The following ASAP2 variants were observed in gnomAD, a reference collection of about 807,000 sequenced individuals.
ASAP2 encodes the protein arf-GAP with SH3 domain, ANK repeat and PH domain-containing protein 2.
ASAP2 carries 45 observed loss-of-function variants against 131.4 expected under a neutral mutation model. That is an observed-to-expected ratio of 0.34 (90% CI 0.27 to 0.44). ASAP2 has a LOEUF of 0.44. Among genes scored for constraint, ASAP2 ranks in the 20% least tolerant of loss-of-function variants. The probability of loss-of-function intolerance (pLI) is 1.00; values close to 1 mark genes in which losing one functional copy is unlikely to be tolerated. For synonymous variants in ASAP2, 510 were observed against 503.0 expected (o/e 1.01, Z -0.19); for missense variants, 1,011 against 1,297.0 (o/e 0.78, Z 3.39).
chr2:9,314,443 A>C (rs900026843), intron 3 of ASAP2, among the ~76,000 whole-genome samples: 2 of 152,232 alleles, frequency 1.3e-5, no homozygotes, highest in African/African-American at 4.8e-5. Flanking sequence ...TGTCTTTCAC[A>C]TATTCGATGC....
Position 9,350,923 on chromosome 2 carries a change from A to G in ASAP2, c.1111+28A>G, listed in dbSNP as rs529769960. 122 of 1,557,572 alleles carry G rather than the reference A, an allele frequency of 7.8e-5. 2 individuals are homozygous for G. In the Admixed American group the frequency reaches 2.0e-3, roughly 26 times the overall value. ...AAGGCTCCCTCTGAGATGCCGCGCC[A>G]TAGAGACGTTGTCTTATGCTCTCCT... is the stretch of plus-strand genomic sequence containing the variant. On this transcript the variant is annotated intron_variant, in intron 12 of 27. Transcript: ENST00000281419.
intron 1 of ASAP2, among the ~76,000 whole-genome samples, chr2:9,212,816 A>G (rs950102607): frequency 5.3e-5 from 8 of 152,156 alleles, no homozygotes; most frequent in Non-Finnish European, 1.0e-4. Context: ...GCTGAAATGC[A>G]GAGCCCCGGG....
At position 9,374,957 on chromosome 2, in the gene ASAP2, G is replaced by A. The variant is rs1231727987; in HGVS notation, c.1746+13G>A. The A allele has an allele frequency of 2.6e-6, 4 of 1,557,476 alleles. No homozygotes were observed. Among genetic ancestry groups the A allele is most frequent in the Non-Finnish European group, 2.6e-6 (3 of 1,158,202 alleles). On this transcript the variant is annotated intron_variant, in intron 17 of 27. Coordinates refer to ENST00000281419, the MANE Select transcript of ASAP2 (RefSeq NM_003887.3). ...GGCCAACGGACATGTAAGAGTGTGG[G>A]TTGTTGCTACTTTAAAAAAAAAAAA...
At chr2:9,338,037 C>G (rs1472406598) in intron 9 of ASAP2, among the ~76,000 whole-genome samples, 3 of 152,154 alleles carry the variant, frequency 2.0e-5, no homozygotes, top group Admixed American at 1.3e-4. Flanking sequence ...GAGCTCTCTC[C>G]CCGTCAGCCT....
intron 22 of ASAP2, 110 bp downstream of exon 22, chr2:9,388,656 TTGTAGTTATTTTCTG>T: frequency 7.0e-7 from 1 of 1,434,490 alleles, no homozygotes; most frequent in Non-Finnish European, 9.2e-7. Context: ...CTCTTTTGTT[TTGTAGTTATTTTCTG>T]TTTGCTTCCT....
At chr2:9,368,218 G>A (rs568710506) in intron 15 of ASAP2, among the ~76,000 whole-genome samples, 30 of 152,264 alleles carry the variant, frequency 2.0e-4, no homozygotes, top group African/African-American at 5.5e-4. Context: ...ATGACAATGC[G>A]TCTCTGTAAT....
At chr2:9,240,438 G>C (rs1051423380) in intron 1 of ASAP2, among the ~76,000 whole-genome samples, 6 of 151,708 alleles carry the variant, frequency 4.0e-5, no homozygotes, top group Non-Finnish European at 8.8e-5. Flanking sequence ...TAGAGATGGG[G>C]TTTCTCCATG....
At chr2:9,257,473 G>C (rs1240876657) in intron 1 of ASAP2, among the ~76,000 whole-genome samples, 1 of 152,198 alleles carries the variant, frequency 6.6e-6, no homozygotes, top group African/African-American at 2.4e-5. Context: ...TAATGAACCA[G>C]TACATGATGT....
Position 9,404,844 on chromosome 2 carries a change from G to A in ASAP2, c.*1517G>A, listed in dbSNP as rs1677077998. ...TAGCAATCGCTTTTTACCTTTCAAA[G>A]TTCCGGGTAAAAATGTGTTATATCT... On this transcript the variant is annotated 3_prime_UTR_variant, in exon 28 of 28. Transcript: ENST00000281419. 1 of 152,094 alleles carries A rather than the reference G, an allele frequency of 6.6e-6. No individual in the cohort carries two copies. Among genetic ancestry groups the A allele is most frequent in the Non-Finnish European group, 1.5e-5 (1 of 67,974 alleles). 9.4% of individuals were successfully genotyped at this position (152,094 alleles called of 1,614,324 possible).
At chr2:9,237,129 A>G (rs1320972978) in intron 1 of ASAP2, among the ~76,000 whole-genome samples, 4 of 152,100 alleles carry the variant, frequency 2.6e-5, no homozygotes, top group Non-Finnish European at 5.9e-5. Flanking sequence ...CCAGGAAAAC[A>G]CTGGTTTCTG....
At chr2:9,266,074 C>T (rs1023058844) in intron 1 of ASAP2, among the ~76,000 whole-genome samples, 1 of 152,102 alleles carries the variant, frequency 6.6e-6, no homozygotes, top group Admixed American at 6.5e-5. Context: ...TGTGAGCCAC[C>T]ACACCCAGCC....
At chr2:9,370,719 G>A (rs929041593) in intron 16 of ASAP2, among the ~76,000 whole-genome samples, 3 of 152,182 alleles carry the variant, frequency 2.0e-5, no homozygotes, top group African/African-American at 7.2e-5. Context: ...TCTTCTTCCT[G>A]TGGGTGACAG....
At chr2:9,320,371 T>A in intron 5 of ASAP2, 34 bp downstream of exon 5, 6 of 1,556,516 alleles carry the variant, frequency 3.9e-6, no homozygotes, top group Non-Finnish European at 5.3e-6. Flanking sequence ...TACGTATAGG[T>A]AATTTGGGAT....
At chr2:9,263,404 C>T (rs1665715020) in intron 1 of ASAP2, among the ~76,000 whole-genome samples, 1 of 152,214 alleles carries the variant, frequency 6.6e-6, no homozygotes, top group South Asian at 2.1e-4. Context: ...CGTGTTTGTG[C>T]TGCTGCTGTG....
intron 3 of ASAP2, among the ~76,000 whole-genome samples, chr2:9,303,415 C>A (rs552964097): frequency 6.6e-6 from 1 of 152,250 alleles, no homozygotes; most frequent in African/African-American, 2.4e-5. Flanking sequence ...CACGATGCTG[C>A]GAGCTGAAGA....
At chr2:9,315,030 C>T (rs1420168118) in intron 3 of ASAP2, among the ~76,000 whole-genome samples, 1 of 151,922 alleles carries the variant, frequency 6.6e-6, no homozygotes, top group Non-Finnish European at 1.5e-5. Context: ...GTTTGAGTAA[C>T]TCCTGATGGA....
At position 9,348,110 on chromosome 2, in the gene ASAP2, TTTTGTCTGTTTG is replaced by T. The variant is rs1409635737; in HGVS notation, c.1024-2692_1024-2681del. Among the ~76,000 whole-genome samples the T allele has an allele frequency of 1.6e-3, 65 of 41,674 alleles. No individual in the cohort carries two copies. The East Asian group carries it at 0.032, about 20-fold the overall frequency. 27.3% of individuals were successfully genotyped at this position (41,674 alleles called of 152,430 possible). On this transcript the variant is annotated intron_variant, in intron 11 of 27. Transcript: ENST00000281419. ...GTATCTCAATTAACTGATGACACTT[TTTTGTCTGTTTG>T]TTTGTTTGTTTGTTTGTTTTTTTCT...
chr2:9,401,266 TGACCCA>T lies in ASAP2; in HGVS notation c.2824-3_2826del. The T allele has an allele frequency of 6.2e-7, 1 of 1,613,358 alleles. No homozygotes were observed. Among genetic ancestry groups the T allele is most frequent in the South Asian group, 1.1e-5 (1 of 91,064 alleles). ...CCACACTAACCGTTGTTCCCTCTCC[TGACCCA>T]GACCAAGTTGAAGCCTAAGCGGGTG... On this transcript the variant is annotated splice_acceptor_variant and splice_polypyrimidine_tract_variant and intron_variant, in intron 26 of 27. Transcript: ENST00000281419. LOFTEE classifies it high-confidence loss of function.
chr2:9,328,969 GT>G (rs927160710), intron 7 of ASAP2, among the ~76,000 whole-genome samples: 3 of 151,942 alleles, frequency 2.0e-5, no homozygotes, highest in African/African-American at 7.2e-5. Flanking sequence ...TTTGTTTTTT[GT>G]TTTTCTATTT....
Sources: gnomAD v4.1 joint callset for allele counts (sites outside exome capture counted in the v4.1 genomes callset) on GRCh38, gnomAD v4.1.1 for gene constraint, MANE v1.5 for transcripts, NCBI Gene and HGNC (gene_info 2026-07-23, HGNC 2026-07-21) for gene names.